SIPA1L2: variants seen among roughly 807,000 people sequenced by gnomAD.
The protein encoded by SIPA1L2 is signal-induced proliferation-associated 1-like protein 2.
A neutral mutation model predicts 163.9 loss-of-function variants in SIPA1L2; 56 were observed. The ratio of observed to expected loss-of-function variants is 0.34; its 90% CI spans 0.28 to 0.43. The LOEUF (loss-of-function observed/expected upper bound fraction) is 0.43. Among genes scored for constraint, SIPA1L2 ranks in the 20% least tolerant of loss-of-function variants. SIPA1L2 has a pLI of 1.00. For missense variants in SIPA1L2, 1,974 were observed against 2,193.5 expected (o/e 0.90, Z 2.00); for synonymous variants, 877 against 865.7 (o/e 1.01, Z -0.23).
At chr1:232,432,523 T>C in intron 15 of SIPA1L2, 52 bp from the exon 16 acceptor site, 1 of 1,551,180 alleles carries the variant, frequency 6.4e-7, no homozygotes, top group South Asian at 1.1e-5. Context: ...TCAGCAGTGC[T>C]GGCACACGGC....
At chr1:232,483,263 T>TTA (rs397983218) in intron 6 of SIPA1L2, among the ~76,000 whole-genome samples, 141 of 151,810 alleles carry the variant, frequency 9.3e-4, no homozygotes, top group African/African-American at 3.2e-3. Flanking sequence ...TTTTTTTTTT[T>TTA]AATTTTAGAT....
intron 18 of SIPA1L2, among the ~76,000 whole-genome samples, chr1:232,417,824 T>G (rs1021974627): frequency 3.9e-5 from 6 of 152,216 alleles, no homozygotes; most frequent in African/African-American, 1.2e-4. Context: ...CTTTTGTCAC[T>G]GATTTCCACA....
chr1:232,605,878 G>A lies in SIPA1L2; in HGVS notation c.-319+23991C>T, dbSNP rs149144589. 1.7e-3 allele frequency among the ~76,000 whole-genome samples: 257 copies of A among 152,172 alleles called. 2 individuals are homozygous for A. Among genetic ancestry groups the A allele is most frequent in the African/African-American group, 5.4e-3 (224 of 41,506 alleles). On this transcript the variant is annotated intron_variant, in intron 1 of 22. Coordinates refer to ENST00000674635, the MANE Select transcript of SIPA1L2 (RefSeq NM_020808.5). Reference sequence around the variant, plus strand: ...GACTTCTTACACACATCACACATACGTGCACTGCCTGTGCCACAGTCAGAC... The same window carrying A: ...GACTTCTTACACACATCACACATACATGCACTGCCTGTGCCACAGTCAGAC...
At chr1:232,547,533 A>C (rs1295112216) in intron 2 of SIPA1L2, among the ~76,000 whole-genome samples, 1 of 147,174 alleles carries the variant, frequency 6.8e-6, no homozygotes, top group East Asian at 2.1e-4. Flanking sequence ...TTTTCACAGT[A>C]ATCAAAATGT....
chr1:232,515,411 C>A lies in SIPA1L2; in HGVS notation c.-72G>T. On this transcript the variant is annotated 5_prime_UTR_variant, in exon 3 of 23. Coordinates refer to ENST00000674635, the MANE Select transcript of SIPA1L2 (RefSeq NM_020808.5). ...AATCTAATTACATTGCTACCGACCA[C>A]GCCATAATACTTGCAGATATAAAGG... The A allele has an allele frequency of 1.4e-6, 2 of 1,438,080 alleles. No individual in the cohort carries two copies. Among genetic ancestry groups the A allele is most frequent in the Non-Finnish European group, 1.9e-6 (2 of 1,077,192 alleles). 89.1% of individuals were successfully genotyped at this position (1,438,080 alleles called of 1,614,324 possible). A position where few individuals can be genotyped will look rare whatever the true frequency, so the allele number is the denominator to read the frequency against.
chr1:232,484,777 C>T (rs1665561834), intron 5 of SIPA1L2, among the ~76,000 whole-genome samples: 1 of 152,188 alleles, frequency 6.6e-6, no homozygotes. Context: ...GGAACTGCTT[C>T]TAACTCATGC....
At chr1:232,578,608 T>G (rs567705279) in intron 1 of SIPA1L2, among the ~76,000 whole-genome samples, 1 of 152,214 alleles carries the variant, frequency 6.6e-6, no homozygotes, top group Non-Finnish European at 1.5e-5. Flanking sequence ...AAAGTCCTGT[T>G]AATGAAACAG....
At chr1:232,629,715 C>T (rs903598784) in intron 1 of SIPA1L2, among the ~76,000 whole-genome samples, 154 bp downstream of exon 1, 2 of 152,078 alleles carry the variant, frequency 1.3e-5, no homozygotes, top group African/African-American at 2.4e-5. Flanking sequence ...CGCCGCGACC[C>T]TCGCACCCCC....
intron 1 of SIPA1L2, among the ~76,000 whole-genome samples, chr1:232,600,249 TTTTCA>T (rs1273310138): frequency 6.6e-6 from 1 of 152,222 alleles, no homozygotes; most frequent in Non-Finnish European, 1.5e-5. Context: ...AAAAAATTCT[TTTTCA>T]TTTCTCTGCT....
intron 7 of SIPA1L2, among the ~76,000 whole-genome samples, chr1:232,475,244 C>T (rs80197709): frequency 0.018 from 2,815 of 152,264 alleles, 96 homozygotes; most frequent in African/African-American, 0.065. Context: ...ATATAGACAG[C>T]GTCTTGTCCC....
chr1:232,602,509 T>C (rs369715965), intron 1 of SIPA1L2, among the ~76,000 whole-genome samples: 3 of 152,244 alleles, frequency 2.0e-5, no homozygotes, highest in East Asian at 3.9e-4. Context: ...TTTTGTATTA[T>C]TAGTAGAGAT....
chr1:232,591,342 T>A (rs531371351), intron 1 of SIPA1L2, among the ~76,000 whole-genome samples: 2 of 152,234 alleles, frequency 1.3e-5, no homozygotes. Flanking sequence ...GACATTTCCA[T>A]ATTGGTCATG....
intron 2 of SIPA1L2, among the ~76,000 whole-genome samples, chr1:232,557,751 C>T (rs940542409): frequency 1.3e-5 from 2 of 152,152 alleles, no homozygotes; most frequent in Admixed American, 6.5e-5. Flanking sequence ...ATCAGAGAAA[C>T]CTGGTCAATG....
At chr1:232,448,866 G>A (rs1018431904) in intron 10 of SIPA1L2, among the ~76,000 whole-genome samples, 5 of 152,160 alleles carry the variant, frequency 3.3e-5, no homozygotes, top group African/African-American at 9.7e-5. Flanking sequence ...CTACCACTGC[G>A]GGACAACAGC....
intron 1 of SIPA1L2, among the ~76,000 whole-genome samples, chr1:232,609,889 A>G (rs1662155351): frequency 6.6e-6 from 1 of 152,080 alleles, no homozygotes; most frequent in African/African-American, 2.4e-5. Context: ...CAGTTATCAA[A>G]TTAAAATCTT....
intron 1 of SIPA1L2, among the ~76,000 whole-genome samples, chr1:232,574,653 T>C (rs1004315193): frequency 2.0e-5 from 3 of 152,240 alleles, no homozygotes; most frequent in Non-Finnish European, 4.4e-5. Context: ...TTAATTCTAG[T>C]ATAGTAAACA....
At chr1:232,533,259 A>C (rs1356270013) in intron 2 of SIPA1L2, among the ~76,000 whole-genome samples, 1 of 152,234 alleles carries the variant, frequency 6.6e-6, no homozygotes, top group Non-Finnish European at 1.5e-5. Context: ...GGGTAAAAAA[A>C]TAATTTGGAA....
At chr1:232,546,764 G>C (rs1346806227) in intron 2 of SIPA1L2, among the ~76,000 whole-genome samples, 1 of 152,218 alleles carries the variant, frequency 6.6e-6, no homozygotes, top group Non-Finnish European at 1.5e-5. Flanking sequence ...CATGCATTAA[G>C]ACATGTTGAC....
intron 1 of SIPA1L2, among the ~76,000 whole-genome samples, chr1:232,612,462 G>C (rs1662291706): frequency 6.6e-6 from 1 of 152,198 alleles, no homozygotes; most frequent in South Asian, 2.1e-4. Flanking sequence ...AAGCCACAGA[G>C]GTGGAGCTGC....
Sources: allele counts gnomAD v4.1 joint callset (sites outside exome capture counted in the v4.1 genomes callset), GRCh38; gene constraint gnomAD v4.1.1; transcripts MANE v1.5; gene names NCBI Gene and HGNC (gene_info 2026-07-23, HGNC 2026-07-21).